Variants in NMBR observed in about 807,000 individuals in gnomAD.
NMBR encodes the protein neuromedin-B receptor.
NMBR carries 16 observed loss-of-function variants against 20.5 expected under a neutral mutation model. The observed-to-expected ratio is 0.78, with a 90% confidence interval of 0.53 to 1.19. The LOEUF is 1.19. NMBR is among the 50% of genes most tolerant of loss of function. The pLI is 0.00. For synonymous variants in NMBR, 212 were observed against 196.6 expected (o/e 1.08, Z -0.65); for missense variants, 582 against 499.1 (o/e 1.17, Z -1.58).
chr6:142,079,613 TC>T (rs1397424743), intron 2 of NMBR, among the ~76,000 whole-genome samples: 1 of 152,212 alleles, frequency 6.6e-6, no homozygotes, highest in Non-Finnish European at 1.5e-5. Context: ...TCACTCTTTT[TC>T]TAAGGACATT....
At position 142,075,130 on chromosome 6, in the gene NMBR, G is replaced by A. The variant is rs940742894; in HGVS notation, c.*518C>T. On this transcript the variant is annotated 3_prime_UTR_variant, in exon 4 of 4. Coordinates refer to ENST00000258042, the MANE Select transcript of NMBR (RefSeq NM_002511.4). ...TATATACACACACACACACACTCAT[G>A]CAATAGTTGTGAATTGAATGAAATT... Among the ~76,000 whole-genome samples, 1 of 150,250 alleles carries A rather than the reference G, an allele frequency of 6.7e-6. No homozygotes were observed. Among genetic ancestry groups the A allele is most frequent in the African/African-American group, 2.5e-5 (1 of 40,668 alleles).
At chr6:142,146,541 A>G (rs1322955661) in intron 1 of NMBR, among the ~76,000 whole-genome samples, 2 of 152,126 alleles carry the variant, frequency 1.3e-5, no homozygotes, top group African/African-American at 4.8e-5. Context: ...AACGTCCCAA[A>G]CACCCTATCT....
chr6:142,125,223 T>C (rs549405946), intron 1 of NMBR, among the ~76,000 whole-genome samples: 1 of 151,868 alleles, frequency 6.6e-6, no homozygotes, highest in South Asian at 2.1e-4. Context: ...GGGTATGTCA[T>C]GAGAAGAAGG....
rs1173411006 is a variant in NMBR, at chr6:142,075,710, T to G, written c.1111A>C (p.Asn371His). ...AGTAAAACAGAATTGGTCACCATGT[T>G]CTTAGCATTGCTTTTCAGAGATGTC... Reference protein sequence around the residue: ...RMTSLKSNAKNMVTNSVLLNG... With the variant: ...RMTSLKSNAKHMVTNSVLLNG... Residue 371 changes from asparagine to histidine, a missense_variant, in exon 4 of 4, where the codon AAC (asparagine) becomes CAC (histidine). By Grantham distance (68) the Asn-to-His change is moderately conservative. Transcript: ENST00000258042. The G allele has an allele frequency of 1.2e-6, 2 of 1,613,832 alleles. No homozygotes were observed. The highest frequency in any genetic ancestry group is 3.3e-5 in the Admixed American group (2 of 59,984).
At chr6:142,083,412 C>T (rs1336268154) in intron 2 of NMBR, among the ~76,000 whole-genome samples, 1 of 152,130 alleles carries the variant, frequency 6.6e-6, no homozygotes, top group African/African-American at 2.4e-5. Flanking sequence ...TTTCTTTTCC[C>T]TGCCCTTGGT....
At chr6:142,122,168 C>G (rs1353405823) in intron 1 of NMBR, among the ~76,000 whole-genome samples, 1 of 151,928 alleles carries the variant, frequency 6.6e-6, no homozygotes, top group African/African-American at 2.4e-5. Context: ...ATGTTACTGA[C>G]TTTGCAAGAA....
intron 2 of NMBR, among the ~76,000 whole-genome samples, chr6:142,085,324 G>T (rs1777179685): frequency 6.6e-6 from 1 of 152,166 alleles, no homozygotes; most frequent in Non-Finnish European, 1.5e-5. Flanking sequence ...AGCAGTTCGA[G>T]ACCAGCCTGG....
intron 2 of NMBR, among the ~76,000 whole-genome samples, chr6:142,086,290 T>C (rs1414505446): frequency 6.6e-6 from 1 of 152,190 alleles, no homozygotes; most frequent in Non-Finnish European, 1.5e-5. Flanking sequence ...TCTAACAGCA[T>C]TGTGAGGGTT....
At chr6:142,076,489 G>C (rs552341452) in intron 3 of NMBR, among the ~76,000 whole-genome samples, 2 of 152,158 alleles carry the variant, frequency 1.3e-5, no homozygotes, top group Non-Finnish European at 2.9e-5. Context: ...AGGGCTTGCT[G>C]TTTAAAACTA....
rs562898952 is a variant in NMBR, at chr6:142,114,678, A to G, written c.-663-25357T>C. On this transcript the variant is annotated intron_variant, in intron 1 of 3. Coordinates refer to ENST00000258042, the MANE Select transcript of NMBR (RefSeq NM_002511.4). ...TATAAATAAAAATGTATTTGTGTCTATAACTATATTTAATATACAGAAACT... is the reference window on the plus strand; with the variant it reads ...TATAAATAAAAATGTATTTGTGTCTGTAACTATATTTAATATACAGAAACT... Among the ~76,000 whole-genome samples, 22 of 152,292 alleles carry G rather than the reference A, an allele frequency of 1.4e-4. No individual in the cohort carries two copies. The South Asian group carries it at 4.6e-3, about 32-fold the overall frequency.
intron 1 of NMBR, among the ~76,000 whole-genome samples, chr6:142,129,264 A>G (rs886964932): frequency 1.3e-5 from 2 of 152,042 alleles, no homozygotes; most frequent in African/African-American, 2.4e-5. Context: ...AACTTTTTGT[A>G]CTAATAGTAG....
intron 1 of NMBR, among the ~76,000 whole-genome samples, chr6:142,109,165 C>A (rs1328611890): frequency 6.6e-6 from 1 of 152,174 alleles, no homozygotes; most frequent in Admixed American, 6.5e-5. Flanking sequence ...GCTTTTCAGG[C>A]ACATGGTGCA....
chr6:142,109,885 A>G (rs969067520), intron 1 of NMBR, among the ~76,000 whole-genome samples: 1 of 152,076 alleles, frequency 6.6e-6, no homozygotes, highest in African/African-American at 2.4e-5. Flanking sequence ...ATGCCGCAAA[A>G]TGGCACCATA....
chr6:142,109,066 C>T (rs1777713370), intron 1 of NMBR, among the ~76,000 whole-genome samples: 1 of 152,232 alleles, frequency 6.6e-6, no homozygotes, highest in South Asian at 2.1e-4. Flanking sequence ...AGGTGGGCTT[C>T]CACAGCCTTG....
In NMBR at chr6:142,075,971, T is replaced by C; in HGVS notation, c.850A>G (p.Ile284Val). ...TTGAAAGACCGATACATGTAAAGGA[T>C]GTGGTTTGGAAACCAACAGAAGATG... ...CFIFCWFPNHILYMYRSFNYN... is the reference protein window; with the variant it reads ...CFIFCWFPNHVLYMYRSFNYN... The change falls in exon 4 of 4, where the codon ATC (isoleucine) becomes GTC (valine). Residue 284 changes from isoleucine (I) to valine (V), a missense_variant. By Grantham distance (29) the Ile-to-Val change is conservative (BLOSUM62 3). Coordinates refer to ENST00000258042, the MANE Select transcript of NMBR (RefSeq NM_002511.4). 1.9e-6 allele frequency: 3 copies of C among 1,613,588 alleles called. No individual in the cohort carries two copies. The highest frequency in any genetic ancestry group is 2.2e-5 in the South Asian group (2 of 90,952).
intron 1 of NMBR, among the ~76,000 whole-genome samples, chr6:142,111,727 T>C (rs1406947431): frequency 3.3e-5 from 5 of 152,154 alleles, no homozygotes; most frequent in Admixed American, 3.3e-4. Context: ...CAATGCTGAT[T>C]TAATCTGTAT....
intron 1 of NMBR, among the ~76,000 whole-genome samples, chr6:142,137,061 T>C (rs538755698): frequency 2.0e-4 from 30 of 152,076 alleles, no homozygotes; most frequent in African/African-American, 6.8e-4. Context: ...ATGGGGATGG[T>C]ATTGAATCTA....
At chr6:142,124,539 G>T (rs1777999310) in intron 1 of NMBR, among the ~76,000 whole-genome samples, 2 of 151,850 alleles carry the variant, frequency 1.3e-5, no homozygotes, top group South Asian at 4.1e-4. Context: ...TGCCAGTAAA[G>T]TAGGGGAAAA....
chr6:142,100,614 G>A (rs937232854), intron 1 of NMBR, among the ~76,000 whole-genome samples: 2 of 152,184 alleles, frequency 1.3e-5, no homozygotes, highest in Admixed American at 1.3e-4. Context: ...GTATGATAAT[G>A]TAATTGTAGA....
Sources: gnomAD v4.1 joint callset for allele counts (sites outside exome capture counted in the v4.1 genomes callset) on GRCh38, gnomAD v4.1.1 for gene constraint, MANE v1.5 for transcripts, NCBI Gene and HGNC (gene_info 2026-07-23, HGNC 2026-07-21) for gene names.